The following IPO13 variants were observed in gnomAD, a reference collection of about 807,000 sequenced individuals.
IPO13 encodes importin 13, also known as importin-13.
In IPO13, 28 loss-of-function variants were observed where a neutral mutation model predicts 115.5. The ratio of observed to expected loss-of-function variants is 0.24; its 90% CI spans 0.18 to 0.33. The LOEUF (loss-of-function observed/expected upper bound fraction) is 0.33, where lower values mean the gene tolerates loss of function less well. Among genes scored for constraint, IPO13 ranks in the 10% least tolerant of loss-of-function variants. The pLI is 1.00. For missense variants in IPO13, 785 were observed against 1,204.6 expected, an observed-to-expected ratio of 0.65 and a Z score of 5.16; for synonymous variants, 414 against 478.9, an observed-to-expected ratio of 0.86 and a Z score of 1.77.
Position 43,953,272 on chromosome 1 carries a change from C to G in IPO13, c.822-3048C>G, listed in dbSNP as rs556819485. ...TCCGTGTGAGCAGCAGCAGAGGAGT[C>G]CCAGCAGCCCTGCCTCGGCTACTTG... On this transcript the variant is annotated intron_variant, in intron 2 of 19. Coordinates refer to ENST00000372343, the MANE Select transcript of IPO13 (RefSeq NM_014652.4). The G allele has an allele frequency of 2.0e-5, 3 of 152,346 alleles. No homozygotes were observed. The East Asian group carries it at 5.8e-4, about 29-fold the overall frequency. The allele number at this position is 152,346 out of a possible 1,614,324, so 9.4% of individuals were successfully genotyped here.
In IPO13 at chr1:43,966,352, C is replaced by T; in HGVS notation, c.2398-223C>T. On this transcript the variant is annotated intron_variant, in intron 15 of 19. Transcript: ENST00000372343. The surrounding 1 kb of genome is among the most constrained non-coding windows in gnomAD (Gnocchi z 4.1). ...CACCCCCAACCTCTCTCACGTACACCTGCGTGTTCATGTACACATACATGT... is the reference window on the plus strand; with the variant it reads ...CACCCCCAACCTCTCTCACGTACACTTGCGTGTTCATGTACACATACATGT... 1.7e-6 allele frequency: 1 copy of T among 600,268 alleles called. No homozygotes were observed. Among genetic ancestry groups the T allele is most frequent in the Admixed American group, 2.8e-5 (1 of 35,328 alleles). The allele number at this position is 600,268 out of a possible 1,614,324, so 37.2% of individuals were successfully genotyped here.
chr1:43,949,361 G>C, intron 1 of IPO13, 56 bp from the exon 2 acceptor site: 1 of 1,519,920 alleles, frequency 6.6e-7, no homozygotes, highest in Non-Finnish European at 8.8e-7. Flanking sequence ...CTCTGTTCTG[G>C]GCTCTGGCAG....
intron 12 of IPO13, 70 bp downstream of exon 12, chr1:43,960,399 G>A: frequency 1.5e-6 from 2 of 1,325,996 alleles, no homozygotes; most frequent in Non-Finnish European, 2.2e-6. Context: ...AGATGTTACT[G>A]CCACACTTCA....
Position 43,949,418 on chromosome 1 carries a change from C to A in IPO13, c.86C>A (p.Ala29Glu). Residue 29 changes from alanine (A) to glutamate (E), a missense_variant and splice_region_variant, in exon 2 of 20, where the codon GCG (alanine) becomes GAG (glutamate). Ala to Glu is a moderately radical substitution (Grantham distance 107, BLOSUM62 -1). Around this residue, in one of 3 missense-constraint regions of IPO13, gnomAD observed 325 missense variants for 449.8 expected, o/e 0.72. Transcript: ENST00000372343. ...LDFTVENVEKALHQLYYDPNI... is the reference protein window; with the variant it reads ...LDFTVENVEKELHQLYYDPNI... ...GCTCAGTCCTGTGCTGTCCTGCAGG[C>A]GCTGCACCAGCTCTACTATGATCCC... 6.3e-7 allele frequency: 1 copy of A among 1,597,446 alleles called. No homozygotes were observed.
chr1:43,954,857 G>C (rs1463935296), intron 2 of IPO13, among the ~76,000 whole-genome samples: 2 of 152,250 alleles, frequency 1.3e-5, no homozygotes, highest in Admixed American at 1.3e-4. Context: ...TAACCTCTAT[G>C]CTGGGCTTCA....
intron 14 of IPO13, 90 bp from the exon 15 acceptor site, chr1:43,964,179 C>A: frequency 1.2e-6 from 1 of 847,680 alleles, no homozygotes; most frequent in East Asian, 2.5e-5. Context: ...CACGCTGTCT[C>A]CCTGCAGGCT....
chr1:43,952,730 T>C lies in IPO13; in HGVS notation c.821+2577T>C, dbSNP rs1183546467. ...GCCTTTTGAAACTTTAAATAAAATA[T>C]TGGGTTGATTTTAAAAAATAAAAGA... On this transcript the variant is annotated intron_variant, in intron 2 of 19. Transcript: ENST00000372343. The surrounding 1 kb of genome is among the most constrained non-coding windows in gnomAD (Gnocchi z 4.7). Among the ~76,000 whole-genome samples the C allele has an allele frequency of 6.6e-6, 1 of 152,174 alleles. No homozygotes were observed. Among genetic ancestry groups the C allele is most frequent in the Non-Finnish European group, 1.5e-5 (1 of 68,038 alleles).
At position 43,949,438 on chromosome 1, in the gene IPO13, G is replaced by A. The variant is rs764926493; in HGVS notation, c.106G>A (p.Asp36Asn). The change falls in exon 2 of 20, where the codon GAT (aspartate) becomes AAT (asparagine). Residue 36 changes from aspartate (D) to asparagine (N), a missense_variant. Asp to Asn is a conservative substitution (Grantham distance 23). This residue lies in a region of IPO13 where 325 missense variants were observed against 449.8 expected (regional missense o/e 0.72). Coordinates refer to ENST00000372343, the MANE Select transcript of IPO13 (RefSeq NM_014652.4). ...GCAGGCGCTGCACCAGCTCTACTAT[G>A]ATCCCAACATTGAGAATAAGAACCT... ...VEKALHQLYY[D>N]PNIENKNLAQ... 3.1e-6 allele frequency: 5 copies of A among 1,610,556 alleles called. No homozygotes were observed. The highest frequency in any genetic ancestry group is 4.2e-6 in the Non-Finnish European group (5 of 1,177,870).
At chr1:43,957,705 G>T (rs1356076956) in intron 7 of IPO13, among the ~76,000 whole-genome samples, 156 bp downstream of exon 7, 1 of 152,212 alleles carries the variant, frequency 6.6e-6, no homozygotes. Flanking sequence ...GGTCTAGGGG[G>T]TCCATCTGAT....
chr1:43,957,222 T>C lies in IPO13; in HGVS notation c.1299T>C (p.Tyr433=). The stretch of plus-strand genomic sequence containing the variant: ...TGGACATCTCAGACACGCTCATGTA[T>C]GTCTATGAGATGTTGGGGGCCGAGC... The part of the protein sequence containing the change: ...YRVDISDTLM[Y]VYEMLGAELL... Residue 433 remains tyrosine (Y), a synonymous_variant, in exon 6 of 20, where the codon TAT becomes TAC. Coordinates refer to ENST00000372343, the MANE Select transcript of IPO13 (RefSeq NM_014652.4). 2 of 1,614,088 alleles carry C rather than the reference T, an allele frequency of 1.2e-6. No individual in the cohort carries two copies. Among genetic ancestry groups the C allele is most frequent in the Non-Finnish European group, 1.7e-6 (2 of 1,179,966 alleles).
rs1046396810 is a variant in IPO13 at position 43,966,345 on chromosome 1, C to T, written c.2398-230C>T. Reference sequence around the variant, plus strand: ...TGATCCCCACCCCCAACCTCTCTCACGTACACCTGCGTGTTCATGTACACA... The same window carrying T: ...TGATCCCCACCCCCAACCTCTCTCATGTACACCTGCGTGTTCATGTACACA... On this transcript the variant is annotated intron_variant, in intron 15 of 19. Coordinates refer to ENST00000372343, the MANE Select transcript of IPO13 (RefSeq NM_014652.4). The surrounding 1 kb of genome is among the most constrained non-coding windows in gnomAD (Gnocchi z 4.1). 4.1e-4 allele frequency: 244 copies of T among 595,908 alleles called. No individual in the cohort carries two copies. Among genetic ancestry groups the T allele is most frequent in the African/African-American group, 4.1e-3 (219 of 53,818 alleles). 36.9% of individuals were successfully genotyped at this position (595,908 alleles called of 1,614,324 possible).
Position 43,956,546 on chromosome 1 carries a change from G to A in IPO13, c.963-14G>A. ...AGTCCCTGGAAAGGTAGAATGACCTGACTCTCTCCCCAGGGCCTTGCTGGA... is the reference window on the plus strand; with the variant it reads ...AGTCCCTGGAAAGGTAGAATGACCTAACTCTCTCCCCAGGGCCTTGCTGGA... On this transcript the variant is annotated splice_polypyrimidine_tract_variant and intron_variant, in intron 3 of 19. Coordinates refer to ENST00000372343, the MANE Select transcript of IPO13 (RefSeq NM_014652.4). The surrounding 1 kb of genome is among the most constrained non-coding windows in gnomAD (Gnocchi z 4.7). 6.2e-7 allele frequency: 1 copy of A among 1,614,174 alleles called. No individual in the cohort carries two copies. The highest frequency in any genetic ancestry group is 8.5e-7 in the Non-Finnish European group (1 of 1,180,032).
intron 2 of IPO13, among the ~76,000 whole-genome samples, chr1:43,954,419 C>T (rs2085230393): frequency 6.6e-6 from 1 of 152,196 alleles, no homozygotes. Context: ...CCTTCTCATC[C>T]TCCCACCAAG....
intron 7 of IPO13, 119 bp downstream of exon 7, chr1:43,957,668 T>C (rs1336779062): frequency 3.9e-6 from 5 of 1,273,282 alleles, no homozygotes; most frequent in African/African-American, 1.5e-5. Flanking sequence ...ACACAATCAG[T>C]GTTGTAACAA....
At position 43,949,488 on chromosome 1, in the gene IPO13, C is replaced by T. The variant is rs2085190405; in HGVS notation, c.156C>T (p.Ala52=). The T allele has an allele frequency of 1.2e-6, 2 of 1,614,012 alleles. No individual in the cohort carries two copies. The highest frequency in any genetic ancestry group is 1.6e-4 in the Middle Eastern group (1 of 6,084). The stretch of plus-strand genomic sequence containing the variant: ...TGGCTCAGAAGTGGCTGATGCAGGC[C>T]CAGGTCTCCCCACAGGCCTGGCACT... The part of the protein sequence containing the change: ...KNLAQKWLMQ[A]QVSPQAWHFS... The change falls in exon 2 of 20, where the codon GCC becomes GCT. Residue 52 remains alanine, a synonymous_variant. Transcript: ENST00000372343.
chr1:43,957,634 A>G, intron 7 of IPO13, 85 bp downstream of exon 7: 1 of 1,502,348 alleles, frequency 6.7e-7, no homozygotes, highest in Non-Finnish European at 9.1e-7. Context: ...GATCCTATCC[A>G]GAATGGGAGA....
In IPO13 at chr1:43,958,311, G is replaced by A; in HGVS notation, c.1749+43G>A. ...CTAGGGGTCTCCTTGGAGGTCTTGT[G>A]GGAATCACTTATCCCTGAAATCCTG... On this transcript the variant is annotated intron_variant, in intron 9 of 19. Coordinates refer to ENST00000372343, the MANE Select transcript of IPO13 (RefSeq NM_014652.4). This position sits in a 1 kb window ranked among gnomAD's most constrained non-coding sequence, Gnocchi z 6.3. The A allele has an allele frequency of 6.2e-7, 1 of 1,613,150 alleles. No homozygotes were observed. Among genetic ancestry groups the A allele is most frequent in the Non-Finnish European group, 8.5e-7 (1 of 1,179,164 alleles).
Position 43,946,991 on chromosome 1 carries a change from C to CG in IPO13, c.-606dup. ...ACTGGGGCGGAGGCAGCGGCTGTAG[C>CG]GGGGCTGTAGCCGGGCGTTGAGCAC... On this transcript the variant is annotated 5_prime_UTR_variant, in exon 1 of 20. Transcript: ENST00000372343. 2.5e-6 allele frequency: 1 copy of CG among 398,670 alleles called. No individual in the cohort carries two copies. Among genetic ancestry groups the CG allele is most frequent in the Middle Eastern group, 6.3e-4 (1 of 1,588 alleles). 24.7% of individuals were successfully genotyped at this position (398,670 alleles called of 1,614,324 possible). A position where few individuals can be genotyped will look rare whatever the true frequency, so the allele number is the denominator to read the frequency against.
intron 1 of IPO13, among the ~76,000 whole-genome samples, chr1:43,947,888 A>C (rs899463785): frequency 1.3e-5 from 2 of 152,170 alleles, no homozygotes; most frequent in African/African-American, 4.8e-5. Context: ...TCCCCTGTGG[A>C]TAGATACTCT....
Sources: gnomAD v4.1 joint callset for allele counts (sites outside exome capture counted in the v4.1 genomes callset) on GRCh38, gnomAD v4.1.1 for gene constraint, gnomAD v4.1.1 regional missense constraint, Gnocchi (gnomAD v3.1) non-coding constraint, MANE v1.5 for transcripts, NCBI Gene and HGNC (gene_info 2026-07-23, HGNC 2026-07-21) for gene names.